The following NUDCD3 variants were observed in gnomAD, a reference collection of about 807,000 sequenced individuals.
NUDCD3 encodes the protein nudC domain-containing protein 3.
Under a neutral mutation model 39.7 loss-of-function variants are expected in NUDCD3, and 13 were observed. The ratio of observed to expected loss-of-function variants is 0.33; its 90% CI spans 0.21 to 0.52. NUDCD3 has a LOEUF of 0.52. Ranked by LOEUF, NUDCD3 falls within the 20% of genes least tolerant of loss-of-function variation. The pLI, the probability that NUDCD3 is intolerant of heterozygous loss-of-function variation, is 0.96. For missense variants in NUDCD3, 453 were observed against 458.1 expected (o/e 0.99, Z 0.10); for synonymous variants, 175 against 172.4 (o/e 1.02, Z -0.12).
intron 3 of NUDCD3, among the ~76,000 whole-genome samples, chr7:44,414,256 A>G (rs1798980908): frequency 6.6e-6 from 1 of 152,142 alleles, no homozygotes; most frequent in Admixed American, 6.5e-5. Flanking sequence ...AAGGGGGCAA[A>G]AGCAAAGAAC....
chr7:44,454,803 T>C (rs1799862036), intron 2 of NUDCD3, among the ~76,000 whole-genome samples: 1 of 152,080 alleles, frequency 6.6e-6, no homozygotes, highest in Non-Finnish European at 1.5e-5. Context: ...CACACTGGCA[T>C]GCACCTGTGA....
intron 2 of NUDCD3, among the ~76,000 whole-genome samples, chr7:44,443,124 C>T (rs962323653): frequency 6.6e-6 from 1 of 152,124 alleles, no homozygotes; most frequent in Non-Finnish European, 1.5e-5. Flanking sequence ...CCAAGAGAAC[C>T]TATATGGCTG....
rs146714954 is a variant in NUDCD3 at position 44,482,073 on chromosome 7, T to C, written c.509+2895A>G. ...TTGTTATAGCAGCCTAAGTGGACTA[T>C]GACAAACAACTTTGTATATTAAATC... On this transcript the variant is annotated intron_variant, in intron 2 of 5. Transcript: ENST00000355451. Among the ~76,000 whole-genome samples the C allele has an allele frequency of 1.1e-3, 162 of 152,360 alleles. 2 individuals are homozygous for C. Among genetic ancestry groups the C allele is most frequent in the African/African-American group, 3.7e-3 (155 of 41,588 alleles).
chr7:44,442,863 A>AT (rs1408237555), intron 2 of NUDCD3, among the ~76,000 whole-genome samples: 6 of 150,932 alleles, frequency 4.0e-5, no homozygotes, highest in African/African-American at 1.5e-4. Context: ...GCCTGGCTAA[A>AT]TTTTTTTTCT....
intron 3 of NUDCD3, among the ~76,000 whole-genome samples, chr7:44,412,931 AAAAAAAAAAAAG>A (rs1423263625): frequency 2.5e-4 from 36 of 146,776 alleles, no homozygotes; most frequent in East Asian, 7.7e-4. Flanking sequence ...CGTCTCAAAA[AAAAAAAAAAAAG>A]AAAAAAAAAA....
At chr7:44,489,147 T>G (rs1800680372) in intron 1 of NUDCD3, among the ~76,000 whole-genome samples, 3 of 152,252 alleles carry the variant, frequency 2.0e-5, no homozygotes, top group Admixed American at 2.0e-4. Context: ...GTCAAATCAC[T>G]TAACCTTGCT....
intron 5 of NUDCD3, among the ~76,000 whole-genome samples, chr7:44,389,933 C>T (rs767063279): frequency 5.9e-5 from 9 of 152,074 alleles, no homozygotes; most frequent in Non-Finnish European, 1.2e-4. Context: ...CTGGCAACTC[C>T]AATGATGAGC....
intron 2 of NUDCD3, among the ~76,000 whole-genome samples, chr7:44,449,240 G>A (rs759777806): frequency 9.2e-5 from 14 of 152,312 alleles, no homozygotes; most frequent in Admixed American, 3.3e-4. Flanking sequence ...TCGTTGGGGA[G>A]GAAGAGAATC....
chr7:44,428,843 A>G (rs1017847466), intron 2 of NUDCD3, among the ~76,000 whole-genome samples: 1 of 152,260 alleles, frequency 6.6e-6, no homozygotes, highest in Non-Finnish European at 1.5e-5. Flanking sequence ...GGCAGCAGCT[A>G]TGAACACAGA....
At chr7:44,445,402 C>A (rs994374829) in intron 2 of NUDCD3, among the ~76,000 whole-genome samples, 11 of 152,184 alleles carry the variant, frequency 7.2e-5, no homozygotes, top group Non-Finnish European at 1.3e-4. Context: ...CCTGCCAGCC[C>A]CATCCCTGTT....
intron 2 of NUDCD3, among the ~76,000 whole-genome samples, chr7:44,453,250 G>A (rs1408481576): frequency 6.6e-6 from 1 of 152,098 alleles, no homozygotes; most frequent in Non-Finnish European, 1.5e-5. Context: ...CTACTCAGGA[G>A]GCTGAGGCAG....
At chr7:44,427,422 C>T in intron 3 of NUDCD3, 149 bp downstream of exon 3, 1 of 832,674 alleles carries the variant, frequency 1.2e-6, no homozygotes, top group Non-Finnish European at 1.9e-6. Flanking sequence ...GGATGGTGTG[C>T]TCAGCTCATT....
intron 2 of NUDCD3, among the ~76,000 whole-genome samples, chr7:44,469,772 C>T (rs888082213): frequency 2.0e-5 from 3 of 149,362 alleles, no homozygotes; most frequent in Non-Finnish European, 3.0e-5. Flanking sequence ...ACATATAACA[C>T]GAATACAGTC....
At chr7:44,469,201 C>T (rs1482711932) in intron 2 of NUDCD3, among the ~76,000 whole-genome samples, 1 of 150,764 alleles carries the variant, frequency 6.6e-6, no homozygotes, top group Non-Finnish European at 1.5e-5. Flanking sequence ...TGTTTCAACC[C>T]TATGAGGAAG....
At chr7:44,412,340 A>G (rs1798942350) in intron 3 of NUDCD3, among the ~76,000 whole-genome samples, 1 of 152,254 alleles carries the variant, frequency 6.6e-6, no homozygotes, top group Admixed American at 6.5e-5. Context: ...CTTGTAACAG[A>G]TGGTGTATAC....
At chr7:44,468,345 ACT>A in intron 2 of NUDCD3, 2 of 1,076,032 alleles carry the variant, frequency 1.9e-6, no homozygotes, top group East Asian at 2.6e-5. Flanking sequence ...AAATGTAAAA[ACT>A]GCAAAAAAAA....
At position 44,379,366 on chromosome 7, in the gene NUDCD3, G is replaced by C. The variant is rs1330281263; in HGVS notation, c.*6645C>G. ...GTTATCTTGGGACAGAGATGAGGCA[G>C]TTGGCGGGGCGGGGCGGGGTGGGGG... On this transcript the variant is annotated 3_prime_UTR_variant, in exon 6 of 6. Coordinates refer to ENST00000355451, the MANE Select transcript of NUDCD3 (RefSeq NM_015332.4). 1 of 144,314 alleles carries C rather than the reference G, an allele frequency of 6.9e-6. No homozygotes were observed. The highest frequency in any genetic ancestry group is 1.5e-5 in the Non-Finnish European group (1 of 66,560). 8.9% of individuals were successfully genotyped at this position (144,314 alleles called of 1,614,324 possible). A position where few individuals can be genotyped will look rare whatever the true frequency, so the allele number is the denominator to read the frequency against.
At chr7:44,431,668 CTTTTTTTTTTTT>C (rs755819096) in intron 2 of NUDCD3, among the ~76,000 whole-genome samples, 6 of 120,844 alleles carry the variant, frequency 5.0e-5, no homozygotes, top group Non-Finnish European at 8.7e-5. Context: ...TCTCTCCTTC[CTTTTTTTTTTTT>C]TTTTTTTTTT....
chr7:44,431,790 A>G (rs1277742975), intron 2 of NUDCD3, among the ~76,000 whole-genome samples: 1 of 149,284 alleles, frequency 6.7e-6, no homozygotes, highest in Non-Finnish European at 1.5e-5. Flanking sequence ...CTCCTGCCTC[A>G]ATCTCCAGAG....
Sources: gnomAD v4.1 joint callset for allele counts (sites outside exome capture counted in the v4.1 genomes callset) on GRCh38, gnomAD v4.1.1 for gene constraint, MANE v1.5 for transcripts, NCBI Gene and HGNC (gene_info 2026-07-23, HGNC 2026-07-21) for gene names.